Variants in ZNF383 observed in about 807,000 individuals in gnomAD.
ZNF383 encodes zinc finger protein 383.
ZNF383 carries 32 observed loss-of-function variants against 44.2 expected under a neutral mutation model. The observed-to-expected ratio is 0.72, with a 90% CI of 0.55 to 0.97. ZNF383 has a LOEUF of 0.97. Ranked by LOEUF, ZNF383 falls within the 50% of genes least tolerant of loss-of-function variation. The probability of loss-of-function intolerance (pLI) is 0.00; values close to 1 mark genes in which losing one functional copy is unlikely to be tolerated. For missense variants in ZNF383, 487 were observed against 562.5 expected, an observed-to-expected ratio of 0.87 and a Z score of 1.36; for synonymous variants, 155 against 186.2, an observed-to-expected ratio of 0.83 and a Z score of 1.36.
chr19:37,241,448 G>A (rs747504598), intron 5 of ZNF383, among the ~76,000 whole-genome samples: 30 of 152,172 alleles, frequency 2.0e-4, no homozygotes, highest in Non-Finnish European at 4.4e-4. Context: ...CAGTTTCCAT[G>A]CCCTCTCCCT....
chr19:37,233,118 TTGTA>T (rs907680137), intron 3 of ZNF383, among the ~76,000 whole-genome samples: 6 of 145,856 alleles, frequency 4.1e-5, no homozygotes, highest in Non-Finnish European at 6.2e-5. Context: ...TTATTTGTTT[TTGTA>T]TTTATTTATT....
chr19:37,227,564 C>G (rs561892417), intron 2 of ZNF383: 2 of 152,094 alleles, frequency 1.3e-5, no homozygotes, highest in African/African-American at 4.8e-5. Flanking sequence ...TGTGTGGAGA[C>G]GAGAGATTGT....
chr19:37,237,100 G>T (rs862234), intron 5 of ZNF383, among the ~76,000 whole-genome samples: 107,093 of 151,946 alleles, frequency 0.7, 38,695 homozygotes, highest in African/African-American at 0.88. Flanking sequence ...TTTATGGAAC[G>T]TTTTTTAATT....
chr19:37,226,861 C>T lies in ZNF383; in HGVS notation c.-46+1922C>T, dbSNP rs546657118. On this transcript the variant is annotated intron_variant, in intron 2 of 5. Transcript: ENST00000684119. The stretch of plus-strand genomic sequence containing the variant: ...TTGAGATGTAGTCTTGCTCTGTTGC[C>T]AGGCTAGAATGCAGTGGTACGATCT... 6.6e-5 allele frequency among the ~76,000 whole-genome samples: 10 copies of T among 152,216 alleles called. No individual in the cohort carries two copies. The East Asian group carries it at 1.7e-3, about 26-fold the overall frequency.
At chr19:37,239,068 T>C (rs1973956262) in intron 5 of ZNF383, among the ~76,000 whole-genome samples, 1 of 152,100 alleles carries the variant, frequency 6.6e-6, no homozygotes, top group Non-Finnish European at 1.5e-5. Flanking sequence ...TATAGGCGCC[T>C]GCCACTGCGC....
At chr19:37,241,466 C>G (rs1008446375) in intron 5 of ZNF383, among the ~76,000 whole-genome samples, 2 of 152,184 alleles carry the variant, frequency 1.3e-5, no homozygotes, top group Non-Finnish European at 2.9e-5. Flanking sequence ...CCTGTGGAGT[C>G]AGTTTGTCAC....
chr19:37,230,264 A>G (rs1479042232), intron 2 of ZNF383, 145 bp from the exon 3 acceptor site: 2 of 562,442 alleles, frequency 3.6e-6, no homozygotes, highest in African/African-American at 3.7e-5. Context: ...TTGAGGAAGG[A>G]GTAGGATTTG....
Position 37,236,052 on chromosome 19 carries a change from G to A in ZNF383, c.210G>A (p.Glu70=). ...QGKEPWMVGR[E]LTRGLCSDLE... is the part of the protein sequence containing the mutation. ...AAGAGCCCTGGATGGTTGGCAGAGA[G>A]CTTACAAGAGGCCTGTGTTCAGGTA... The change falls in exon 5 of 6, where the codon GAG becomes GAA. Residue 70 remains glutamate, a synonymous_variant. Coordinates refer to ENST00000684119, the MANE Select transcript of ZNF383 (RefSeq NM_001387601.1). 6.2e-7 allele frequency: 1 copy of A among 1,613,584 alleles called. No homozygotes were observed. Among genetic ancestry groups the A allele is most frequent in the Non-Finnish European group, 8.5e-7 (1 of 1,179,758 alleles).
chr19:37,226,966 G>A (rs569427213), intron 2 of ZNF383, among the ~76,000 whole-genome samples: 2 of 152,046 alleles, frequency 1.3e-5, no homozygotes, highest in African/African-American at 4.8e-5. Flanking sequence ...GCGTCACCAT[G>A]CCCAGCTAAT....
intron 5 of ZNF383, among the ~76,000 whole-genome samples, chr19:37,237,924 A>G (rs565215124): frequency 1.3e-5 from 2 of 150,390 alleles, no homozygotes; most frequent in East Asian, 3.9e-4. Context: ...GTGCAGCGGC[A>G]CAATCATGGC....
At chr19:37,241,121 G>T (rs1458628432) in intron 5 of ZNF383, among the ~76,000 whole-genome samples, 1 of 151,990 alleles carries the variant, frequency 6.6e-6, no homozygotes, top group Non-Finnish European at 1.5e-5. Context: ...CATTCAAATT[G>T]TATCCACTGT....
At chr19:37,223,411 A>G (rs1973016706) in intron 1 of ZNF383, among the ~76,000 whole-genome samples, 1 of 152,194 alleles carries the variant, frequency 6.6e-6, no homozygotes, top group African/African-American at 2.4e-5. Flanking sequence ...AATTGGAAAT[A>G]TCCCAGCCAG....
At chr19:37,241,279 G>A (rs191668387) in intron 5 of ZNF383, among the ~76,000 whole-genome samples, 2 of 152,250 alleles carry the variant, frequency 1.3e-5, no homozygotes, top group East Asian at 1.9e-4. Context: ...GGAGTCCCCC[G>A]GCTACCTGCA....
At chr19:37,241,613 C>T (rs1186051150) in intron 5 of ZNF383, among the ~76,000 whole-genome samples, 1 of 152,118 alleles carries the variant, frequency 6.6e-6, no homozygotes, top group Non-Finnish European at 1.5e-5. Flanking sequence ...CTACACTTCT[C>T]AGAGGTCAAG....
At chr19:37,232,138 C>T (rs1329899015) in intron 3 of ZNF383, among the ~76,000 whole-genome samples, 1 of 151,196 alleles carries the variant, frequency 6.6e-6, no homozygotes. Context: ...TGCAGTGGCA[C>T]GATCTCGGCT....
At chr19:37,231,199 A>G (rs1973468754) in intron 3 of ZNF383, among the ~76,000 whole-genome samples, 1 of 152,224 alleles carries the variant, frequency 6.6e-6, no homozygotes. Context: ...TCTGTATTGT[A>G]GAAAATTCTA....
At chr19:37,232,141 T>A (rs1224597414) in intron 3 of ZNF383, among the ~76,000 whole-genome samples, 1 of 151,824 alleles carries the variant, frequency 6.6e-6, no homozygotes, top group Admixed American at 6.6e-5. Context: ...AGTGGCACGA[T>A]CTCGGCTCAC....
chr19:37,225,875 C>T (rs1003110812), intron 2 of ZNF383, among the ~76,000 whole-genome samples: 1 of 151,330 alleles, frequency 6.6e-6, no homozygotes, highest in Non-Finnish European at 1.5e-5. Flanking sequence ...CTGCAACCTC[C>T]GCCTCCTGGG....
chr19:37,229,145 GA>G (rs1973325423), intron 2 of ZNF383, among the ~76,000 whole-genome samples: 1 of 141,400 alleles, frequency 7.1e-6, no homozygotes, highest in African/African-American at 2.7e-5. Context: ...GCAAAAGGTT[GA>G]ATTTTTTTTT....
Sources: gnomAD v4.1 joint callset for allele counts (sites outside exome capture counted in the v4.1 genomes callset) on GRCh38, gnomAD v4.1.1 for gene constraint, MANE v1.5 for transcripts, NCBI Gene and HGNC (gene_info 2026-07-23, HGNC 2026-07-21) for gene names.